FSTL5: variants seen among roughly 807,000 people sequenced by gnomAD.
FSTL5 encodes follistatin like 5.
A neutral mutation model predicts 89.1 loss-of-function variants in FSTL5; 62 were observed. That is an observed-to-expected ratio of 0.70 (90% CI 0.57 to 0.86). The LOEUF is 0.86. Ranked by LOEUF, FSTL5 falls within the 40% of genes least tolerant of loss-of-function variation. The pLI is 0.00. For missense variants in FSTL5, 1,057 were observed against 1,001.6 expected, an observed-to-expected ratio of 1.06 and a Z score of -0.75; for synonymous variants, 383 against 346.2, an observed-to-expected ratio of 1.11 and a Z score of -1.18.
At chr4:161,547,932 A>AAT (rs1408457457) in intron 8 of FSTL5, among the ~76,000 whole-genome samples, 1 of 151,918 alleles carries the variant, frequency 6.6e-6, no homozygotes, top group African/African-American at 2.4e-5. Flanking sequence ...TAAAGCAACA[A>AAT]ATATATTAAC....
At chr4:161,446,678 A>G (rs1732958966) in intron 15 of FSTL5, among the ~76,000 whole-genome samples, 1 of 152,086 alleles carries the variant, frequency 6.6e-6, no homozygotes. Context: ...TACTGTATTA[A>G]ATATATGTAT....
At chr4:162,047,003 A>C (rs144993915) in intron 2 of FSTL5, among the ~76,000 whole-genome samples, 104 of 152,268 alleles carry the variant, frequency 6.8e-4, no homozygotes, top group African/African-American at 2.2e-3. Context: ...ACAAATAAAT[A>C]AGATATATTA....
At chr4:162,046,662 T>C (rs1738193672) in intron 2 of FSTL5, among the ~76,000 whole-genome samples, 1 of 152,092 alleles carries the variant, frequency 6.6e-6, no homozygotes, top group Non-Finnish European at 1.5e-5. Context: ...GTATTTTCAG[T>C]GTATTTTTAG....
chr4:161,856,048 T>C (rs1337538947), intron 4 of FSTL5, among the ~76,000 whole-genome samples: 1 of 152,108 alleles, frequency 6.6e-6, no homozygotes, highest in African/African-American at 2.4e-5. Flanking sequence ...CTTATAGTCT[T>C]ATAGGGATAA....
At chr4:161,684,141 C>A (rs188889686) in intron 6 of FSTL5, among the ~76,000 whole-genome samples, 1 of 151,732 alleles carries the variant, frequency 6.6e-6, no homozygotes, top group East Asian at 2.0e-4. Context: ...CAGTAGTATT[C>A]CATGGTATAC....
At chr4:161,510,084 A>C (rs536335726) in intron 11 of FSTL5, among the ~76,000 whole-genome samples, 1 of 152,290 alleles carries the variant, frequency 6.6e-6, no homozygotes, top group African/African-American at 2.4e-5. Context: ...CTTACTCTGC[A>C]TTAATCAGAG....
chr4:162,140,278 T>G (rs1732675352), intron 1 of FSTL5, among the ~76,000 whole-genome samples: 1 of 152,194 alleles, frequency 6.6e-6, no homozygotes, highest in South Asian at 2.1e-4. Flanking sequence ...GGGAATACCC[T>G]AGAAAATTCT....
intron 6 of FSTL5, among the ~76,000 whole-genome samples, chr4:161,743,724 A>G (rs1484388890): frequency 5.3e-5 from 8 of 152,188 alleles, no homozygotes. Context: ...AATGCTTACA[A>G]ATAAAAAATT....
rs193220327 is a variant in FSTL5, at chr4:161,572,737, A to G, written c.1015+14718T>C. Among the ~76,000 whole-genome samples the G allele has an allele frequency of 2.6e-5, 4 of 152,316 alleles. 1 individual carries two copies. Among genetic ancestry groups the G allele is most frequent in the Admixed American group, 2.6e-4 (4 of 15,288 alleles). On this transcript the variant is annotated intron_variant, in intron 8 of 15. Transcript: ENST00000306100. ...ATGGAATAGCATTGTCCTATGTGAT[A>G]CTGTGACCTCAAGAGAGAAGATGTC...
chr4:161,802,531 T>C (rs1321350541), intron 4 of FSTL5, among the ~76,000 whole-genome samples: 1 of 151,722 alleles, frequency 6.6e-6, no homozygotes, highest in Admixed American at 6.6e-5. Context: ...AGGAACAAAC[T>C]TCCTAAGTCT....
intron 15 of FSTL5, among the ~76,000 whole-genome samples, chr4:161,450,830 C>A (rs1366120181): frequency 2.0e-5 from 3 of 151,030 alleles, no homozygotes; most frequent in Admixed American, 2.0e-4. Context: ...GCAAGATCCA[C>A]CCTCCCAGGT....
intron 15 of FSTL5, among the ~76,000 whole-genome samples, chr4:161,440,734 T>C (rs905882272): frequency 6.6e-6 from 1 of 152,158 alleles, no homozygotes; most frequent in African/African-American, 2.4e-5. Context: ...CCTTTTGGCC[T>C]TGAGGAAATA....
chr4:161,985,329 A>G (rs889543907), intron 3 of FSTL5, among the ~76,000 whole-genome samples: 1 of 152,178 alleles, frequency 6.6e-6, no homozygotes, highest in Non-Finnish European at 1.5e-5. Flanking sequence ...CTATTAAAAT[A>G]TGTTAGTTAT....
chr4:161,851,512 G>T (rs1731548400), intron 4 of FSTL5, among the ~76,000 whole-genome samples: 1 of 152,040 alleles, frequency 6.6e-6, no homozygotes, highest in Admixed American at 6.6e-5. Context: ...GAAACAAAAA[G>T]TATGTGTCTA....
intron 4 of FSTL5, among the ~76,000 whole-genome samples, chr4:161,883,037 A>T (rs1205931056): frequency 1.3e-5 from 2 of 152,190 alleles, no homozygotes; most frequent in Non-Finnish European, 2.9e-5. Context: ...TGTATATCTC[A>T]TCTAATTCTG....
At chr4:161,439,392 T>C (rs983943392) in intron 15 of FSTL5, among the ~76,000 whole-genome samples, 1 of 152,198 alleles carries the variant, frequency 6.6e-6, no homozygotes, top group East Asian at 1.9e-4. Flanking sequence ...GATTTACATG[T>C]AGCACTCCAA....
intron 6 of FSTL5, among the ~76,000 whole-genome samples, chr4:161,714,892 C>A (rs1222853149): frequency 6.6e-6 from 1 of 152,072 alleles, no homozygotes; most frequent in Non-Finnish European, 1.5e-5. Flanking sequence ...GAAAAGTAAG[C>A]ATTTCAGTAT....
intron 11 of FSTL5, among the ~76,000 whole-genome samples, chr4:161,500,743 C>A (rs1447669276): frequency 1.3e-5 from 2 of 152,112 alleles, no homozygotes; most frequent in Non-Finnish European, 2.9e-5. Context: ...TCTGAAAAAT[C>A]TTAATTTAAT....
chr4:161,722,031 G>A (rs912938606), intron 6 of FSTL5, among the ~76,000 whole-genome samples: 1 of 152,002 alleles, frequency 6.6e-6, no homozygotes, highest in African/African-American at 2.4e-5. Flanking sequence ...TAATATGAAT[G>A]CAAATACAAA....
Sources: gnomAD v4.1 joint callset for allele counts (sites outside exome capture counted in the v4.1 genomes callset) on GRCh38, gnomAD v4.1.1 for gene constraint, MANE v1.5 for transcripts, NCBI Gene and HGNC (gene_info 2026-07-23, HGNC 2026-07-21) for gene names.